The following USP9Y variants were observed in gnomAD, a reference collection of about 807,000 sequenced individuals.
The protein encoded by USP9Y is ubiquitin specific peptidase 9 Y-linked.
Under a neutral mutation model 53.1 loss-of-function variants are expected in USP9Y, and 41 were observed. The ratio of observed to expected loss-of-function variants is 0.77; its 90% confidence interval spans 0.60 to 1.00. USP9Y has a LOEUF of 1.00. USP9Y is among the 50% of genes least tolerant of loss of function. USP9Y has a pLI of 0.00. For missense variants in USP9Y, 567 were observed against 535.8 expected, an observed-to-expected ratio of 1.06 and a Z score of -0.58; for synonymous variants, 220 against 173.7, an observed-to-expected ratio of 1.27 and a Z score of -2.09.
At chrY:12,776,513 C>T in intron 18 of USP9Y, 136 bp from the exon 19 acceptor site, 2 of 164,830 alleles carry the variant, frequency 1.2e-5, no homozygotes, top group Admixed American at 2.2e-4. Flanking sequence ...TTTCAGGAAA[C>T]TTGTGTTTTA....
At chrY:12,816,042 C>T in intron 31 of USP9Y, 82 bp from the exon 32 acceptor site, 2 of 297,279 alleles carry the variant, frequency 6.7e-6, no homozygotes, top group South Asian at 6.8e-5. Context: ...GGAGGTGTTG[C>T]TATTATTAAT....
At chrY:12,737,749 C>G in intron 10 of USP9Y, among the ~76,000 whole-genome samples, 1 of 33,648 alleles carries the variant, frequency 3.0e-5, no homozygotes, top group African/African-American at 1.2e-4. Flanking sequence ...GAATATAAAA[C>G]TGGTTGTTTT....
In USP9Y at chrY:12,778,068, G is replaced by A; in HGVS notation, c.2689G>A (p.Gly897Ser). The A allele has an allele frequency of 7.6e-6, 3 of 396,935 alleles. No individual in the cohort carries two copies. Among genetic ancestry groups the A allele is most frequent in the Non-Finnish European group, 1.1e-5 (3 of 282,675 alleles). The change falls in exon 20 of 46, where the codon GGC becomes AGC. Residue 897 changes from glycine to serine, a missense_variant. Coordinates refer to ENST00000338981, the MANE Select transcript of USP9Y (RefSeq NM_004654.4). ...LSLIVRFPNQ[G>S]RQVDELDIWS... ...TCTTATAGTTCGGTTTCCAAACCAG[G>A]GCAGACAGGTTGATGAGTTGGATAT... is the stretch of plus-strand genomic sequence containing the variant.
chrY:12,849,076 CT>C (rs2053569646), intron 42 of USP9Y, among the ~76,000 whole-genome samples: 1 of 33,643 alleles, frequency 3.0e-5, no homozygotes, highest in African/African-American at 1.2e-4. Flanking sequence ...GATATTGATT[CT>C]TCCTATCCAT....
chrY:12,758,849 T>G (rs1603198315), intron 14 of USP9Y, among the ~76,000 whole-genome samples: 1 of 33,615 alleles, frequency 3.0e-5, no homozygotes, highest in East Asian at 7.6e-4. Flanking sequence ...TATCCAATAC[T>G]AAATAGCAAT....
At position 12,840,422 on chromosome Y, in the gene USP9Y, G is replaced by A. The variant is rs749742927; in HGVS notation, c.5896G>A (p.Glu1966Lys). 13 of 397,849 alleles carry A rather than the reference G, an allele frequency of 3.3e-5. No homozygotes were observed. Among genetic ancestry groups the A allele is most frequent in the South Asian group, 2.4e-4 (8 of 33,725 alleles). The change falls in exon 36 of 46, where the codon GAG (glutamate) becomes AAG (lysine). Residue 1966 changes from glutamate to lysine, a missense_variant. Physicochemically the swap from Glu to Lys is moderately conservative, Grantham distance 56 (BLOSUM62 1). Coordinates refer to ENST00000338981, the MANE Select transcript of USP9Y (RefSeq NM_004654.4). The stretch of plus-strand genomic sequence containing the variant: ...AATGGATATGATAGATGAAGATGAT[G>A]AGATGATAAGATACATATCAGAGCT... ...EQMDMIDEDDEMIRYISELTI... is the reference protein window; with the variant it reads ...EQMDMIDEDDKMIRYISELTI...
intron 38 of USP9Y, 82 bp from the exon 39 acceptor site, chrY:12,842,982 T>C (rs2053563517): frequency 3.1e-6 from 1 of 324,624 alleles, no homozygotes; most frequent in Admixed American, 8.7e-5. Flanking sequence ...ATTTGCTCCG[T>C]ATAGGAACAT....
intron 3 of USP9Y, among the ~76,000 whole-genome samples, chrY:12,720,061 C>T: frequency 1.5e-4 from 5 of 32,716 alleles, no homozygotes; most frequent in African/African-American, 3.6e-4. Context: ...GCTGAAATTA[C>T]AGGTGTGAGC....
At chrY:12,704,199 T>C in intron 1 of USP9Y, among the ~76,000 whole-genome samples, 1 of 33,595 alleles carries the variant, frequency 3.0e-5, no homozygotes, top group Non-Finnish European at 7.4e-5. Flanking sequence ...TGAATGGTAA[T>C]ACAAGGTTGT....
intron 1 of USP9Y, among the ~76,000 whole-genome samples, chrY:12,706,717 T>G (rs547186113): frequency 2.4e-4 from 8 of 33,598 alleles, no homozygotes; most frequent in African/African-American, 4.6e-4. Context: ...TAAAACATTT[T>G]GAATGAGAAT....
chrY:12,725,013 G>C, intron 5 of USP9Y, 100 bp from the exon 6 acceptor site: 1 of 191,624 alleles, frequency 5.2e-6, no homozygotes. Context: ...AACACTATTT[G>C]TGAATTGGAG....
chrY:12,857,025 G>C, intron 44 of USP9Y, 180 bp downstream of exon 44: 1 of 130,423 alleles, frequency 7.7e-6, no homozygotes, highest in African/African-American at 8.8e-5. Flanking sequence ...GTTTCCTTTT[G>C]GAAAAAATTT....
At chrY:12,811,189 TCTTA>T (rs2053530300) in intron 29 of USP9Y, among the ~76,000 whole-genome samples, 1 of 33,917 alleles carries the variant, frequency 2.9e-5, no homozygotes, top group Non-Finnish European at 7.3e-5. Context: ...CCATCTGATA[TCTTA>T]CTTCACAAAG....
chrY:12,713,271 G>A, intron 3 of USP9Y, among the ~76,000 whole-genome samples: 3 of 26,272 alleles, frequency 1.1e-4, no homozygotes, highest in Non-Finnish European at 2.6e-4. Flanking sequence ...CTGGACTCAA[G>A]CAACCCTCCC....
chrY:12,791,163 G>A, intron 25 of USP9Y, among the ~76,000 whole-genome samples: 1 of 32,814 alleles, frequency 3.0e-5, no homozygotes, highest in Non-Finnish European at 7.5e-5. Flanking sequence ...ATATCTCTTG[G>A]GTGAACACCT....
At position 12,840,338 on chromosome Y, in the gene USP9Y, C is replaced by T. The variant is rs370633830; in HGVS notation, c.5812C>T (p.Arg1938Cys). ...MGEVFDHMMK[R>C]MSYRRQKRWW... ...AGAAGTATTTGATCACATGATGAAG[C>T]GCATGTCATATAGGCGACAGAAGAG... The change falls in exon 36 of 46, where the codon CGC (arginine) becomes TGC (cysteine). Residue 1938 changes from arginine (R) to cysteine (C), a missense_variant. Transcript: ENST00000338981. The T allele has an allele frequency of 2.5e-6, 1 of 395,675 alleles. No homozygotes were observed. The highest frequency in any genetic ancestry group is 6.5e-5 in the African/African-American group (1 of 15,332).
chrY:12,778,325 A>G, intron 20 of USP9Y, 66 bp downstream of exon 20: 2 of 297,004 alleles, frequency 6.7e-6, no homozygotes, highest in East Asian at 1.1e-4. Flanking sequence ...AGTAAGCCTC[A>G]ACATTTATTA....
At chrY:12,837,153 C>G in intron 34 of USP9Y, among the ~76,000 whole-genome samples, 4 of 32,031 alleles carry the variant, frequency 1.2e-4, no homozygotes, top group Non-Finnish European at 3.0e-4. Flanking sequence ...AAAAACAAAA[C>G]AAAAAACAAA....
Position 12,839,794 on chromosome Y carries a change from A to T in USP9Y, c.5338-70A>T. ...TAAATAGACTGTAAACTTTAAAATT[A>T]ACATGAAATTGTTTTAGTTTCTGTT... On this transcript the variant is annotated intron_variant, in intron 35 of 45. Coordinates refer to ENST00000338981, the MANE Select transcript of USP9Y (RefSeq NM_004654.4). The T allele has an allele frequency of 1.3e-5, 4 of 314,733 alleles. No homozygotes were observed. In the African/African-American group the frequency reaches 2.8e-4, roughly 22 times the overall value. The allele number at this position is 314,733 out of a possible 400,897, so 78.5% of individuals were successfully genotyped here.
Sources: gnomAD v4.1 joint callset for allele counts (sites outside exome capture counted in the v4.1 genomes callset) on GRCh38, gnomAD v4.1.1 for gene constraint, MANE v1.5 for transcripts, NCBI Gene and HGNC (gene_info 2026-07-23, HGNC 2026-07-21) for gene names.